Variants in CYTH1 observed in about 807,000 individuals in gnomAD.
The protein encoded by CYTH1 is cytohesin 1.
Under a neutral mutation model 61.8 loss-of-function variants are expected in CYTH1, and 18 were observed. The observed-to-expected ratio is 0.29, with a 90% CI of 0.20 to 0.43. The LOEUF (loss-of-function observed/expected upper bound fraction) is 0.43, where lower values mean the gene tolerates loss of function less well. Ranked by LOEUF, CYTH1 falls within the 20% of genes least tolerant of loss-of-function variation. The probability of loss-of-function intolerance (pLI) is 1.00; values close to 1 mark genes in which losing one functional copy is unlikely to be tolerated. For synonymous variants in CYTH1, 174 were observed against 184.3 expected (o/e 0.94, Z 0.45); for missense variants, 336 against 510.5 (o/e 0.66, Z 3.29).
chr17:78,689,950 C>G (rs993802421), intron 11 of CYTH1, among the ~76,000 whole-genome samples: 1 of 151,894 alleles, frequency 6.6e-6, no homozygotes, highest in Non-Finnish European at 1.5e-5. Flanking sequence ...GACTGCTGCC[C>G]CTGCCACCGC....
chr17:78,769,400 A>C (rs2093461714), intron 1 of CYTH1, among the ~76,000 whole-genome samples: 1 of 151,988 alleles, frequency 6.6e-6, no homozygotes, highest in South Asian at 2.1e-4. Flanking sequence ...CTTTGCTTTG[A>C]TATATACTTC....
intron 6 of CYTH1, 144 bp downstream of exon 6, chr17:78,701,527 A>T (rs2093008779): frequency 5.1e-6 from 4 of 779,024 alleles, no homozygotes; most frequent in Non-Finnish European, 8.5e-6. Flanking sequence ...TCAGAGACCA[A>T]TAGATTTCTT....
intron 1 of CYTH1, among the ~76,000 whole-genome samples, chr17:78,752,799 C>T (rs1289920291): frequency 6.6e-6 from 1 of 152,112 alleles, no homozygotes. Flanking sequence ...AGGTCACACA[C>T]CTCATATCAC....
chr17:78,760,556 TGTATATATATATAC>T lies in CYTH1; in HGVS notation c.22+21632_22+21645del, dbSNP rs1193189066. ...ACATACATATATATGTATATATATA[TGTATATATATATAC>T]ACATACATATATATGTATATATATG... On this transcript the variant is annotated intron_variant, in intron 1 of 13. Coordinates refer to ENST00000446868, the MANE Select transcript of CYTH1 (RefSeq NM_004762.6). Among the ~76,000 whole-genome samples, 13 of 28,460 alleles carry T rather than the reference TGTATATATATATAC, an allele frequency of 4.6e-4. 1 individual carries two copies. The highest frequency in any genetic ancestry group is 1.3e-3 in the African/African-American group (13 of 9,834). 18.7% of individuals were successfully genotyped at this position (28,460 alleles called of 152,430 possible). A position where few individuals can be genotyped will look rare whatever the true frequency, so the allele number is the denominator to read the frequency against.
At chr17:78,781,260 T>C (rs1289321373) in intron 1 of CYTH1, among the ~76,000 whole-genome samples, 1 of 152,200 alleles carries the variant, frequency 6.6e-6, no homozygotes, top group African/African-American at 2.4e-5. Context: ...ATTTGTACTT[T>C]GCTACCAAAC....
At chr17:78,692,514 C>T in intron 10 of CYTH1, 21 bp from the exon 11 acceptor site, 1 of 1,612,868 alleles carries the variant, frequency 6.2e-7, no homozygotes. Context: ...AAAAGAGATG[C>T]ACGTTCGACA....
intron 1 of CYTH1, among the ~76,000 whole-genome samples, chr17:78,748,507 A>G (rs563996124): frequency 6.6e-6 from 1 of 152,378 alleles, no homozygotes; most frequent in East Asian, 1.9e-4. Context: ...CCATTTAATG[A>G]TAAATACAAT....
chr17:78,745,022 C>T (rs2093354555), intron 1 of CYTH1, among the ~76,000 whole-genome samples: 1 of 152,070 alleles, frequency 6.6e-6, no homozygotes, highest in Admixed American at 6.5e-5. Flanking sequence ...TGACCAGTTC[C>T]ATAACTTGCC....
intron 1 of CYTH1, among the ~76,000 whole-genome samples, chr17:78,781,966 C>T (rs1358252979): frequency 6.6e-6 from 1 of 151,490 alleles, no homozygotes; most frequent in Non-Finnish European, 1.5e-5. Context: ...CAGCCACCCA[C>T]ATCCCTCAGC....
chr17:78,734,896 C>T (rs1054921497), intron 1 of CYTH1, among the ~76,000 whole-genome samples: 7 of 152,158 alleles, frequency 4.6e-5, no homozygotes, highest in Non-Finnish European at 8.8e-5. Context: ...CTATGGAAAG[C>T]ATAACTGACT....
intron 11 of CYTH1, among the ~76,000 whole-genome samples, chr17:78,683,666 A>G (rs981595907): frequency 6.6e-6 from 1 of 152,226 alleles, no homozygotes; most frequent in South Asian, 2.1e-4. Flanking sequence ...CTGGGCCTAG[A>G]GTCCCTCATC....
At chr17:78,745,120 C>T (rs185796875) in intron 1 of CYTH1, among the ~76,000 whole-genome samples, 3 of 152,202 alleles carry the variant, frequency 2.0e-5, no homozygotes, top group African/African-American at 7.2e-5. Flanking sequence ...TGGTCAGATG[C>T]TCAGAGAGGA....
intron 1 of CYTH1, among the ~76,000 whole-genome samples, chr17:78,745,722 T>A (rs2093357171): frequency 6.6e-6 from 1 of 152,014 alleles, no homozygotes; most frequent in Admixed American, 6.6e-5. Context: ...TGAAACCCCG[T>A]CTCTACTGAA....
In CYTH1 at chr17:78,751,176, G is replaced by A. The variant is rs909091781; in HGVS notation, c.22+31026C>T. 2.6e-5 allele frequency among the ~76,000 whole-genome samples: 4 copies of A among 152,034 alleles called. No individual in the cohort carries two copies. In the South Asian group the frequency reaches 6.2e-4, roughly 24 times the overall value. On this transcript the variant is annotated intron_variant, in intron 1 of 13. Transcript: ENST00000446868. Reference sequence around the variant, plus strand: ...CTATTTTTAGTAGACACAGGGTTTCGTCGTGTTGCCCAGGCTGGTCTCAAA... The same window carrying A: ...CTATTTTTAGTAGACACAGGGTTTCATCGTGTTGCCCAGGCTGGTCTCAAA...
intron 10 of CYTH1, among the ~76,000 whole-genome samples, chr17:78,695,659 T>C (rs2092931051): frequency 6.6e-6 from 1 of 152,248 alleles, no homozygotes; most frequent in African/African-American, 2.4e-5. Context: ...GGCTGATTAA[T>C]GGACGTCAAA....
At chr17:78,762,504 G>A (rs1307165915) in intron 1 of CYTH1, among the ~76,000 whole-genome samples, 1 of 152,224 alleles carries the variant, frequency 6.6e-6, no homozygotes, top group African/African-American at 2.4e-5. Context: ...TAAGGTAGAT[G>A]TATAGATGTA....
chr17:78,763,092 C>A (rs1367497943), intron 1 of CYTH1, among the ~76,000 whole-genome samples: 2 of 152,044 alleles, frequency 1.3e-5, no homozygotes, highest in Non-Finnish European at 2.9e-5. Flanking sequence ...GCCTGTAATC[C>A]CAGCACTTTG....
chr17:78,712,325 C>T (rs1485932173), intron 1 of CYTH1, among the ~76,000 whole-genome samples: 1 of 152,182 alleles, frequency 6.6e-6, no homozygotes, highest in Non-Finnish European at 1.5e-5. Context: ...TGTTATTTCA[C>T]TGTGAGCTTT....
Position 78,698,263 on chromosome 17 carries a change from G to A in CYTH1, c.811+6C>T, listed in dbSNP as rs978168897. On this transcript the variant is annotated splice_donor_region_variant and intron_variant, in intron 9 of 13. Transcript: ENST00000446868. ...TTTAGGAGCCCTGACTCAGAGGTGC[G>A]CTTACCGAGTTTCAATAGCCAGCCT... 9 of 1,608,592 alleles carry A rather than the reference G, an allele frequency of 5.6e-6. No homozygotes were observed. The highest frequency in any genetic ancestry group is 4.5e-5 in the East Asian group (2 of 44,860).
Sources: allele counts gnomAD v4.1 joint callset (sites outside exome capture counted in the v4.1 genomes callset), GRCh38; gene constraint gnomAD v4.1.1; transcripts MANE v1.5; gene names NCBI Gene and HGNC (gene_info 2026-07-23, HGNC 2026-07-21).